KMT2A: variants seen among roughly 807,000 people sequenced by gnomAD.
The protein encoded by KMT2A is lysine methyltransferase 2A, also known as histone-lysine N-methyltransferase 2A.
KMT2A carries 16 observed loss-of-function variants against 345.3 expected under a neutral mutation model. That is an observed-to-expected ratio of 0.05 (90% CI 0.03 to 0.07). The LOEUF (loss-of-function observed/expected upper bound fraction) is 0.07, where lower values mean the gene tolerates loss of function less well. Among genes scored for constraint, KMT2A ranks in the 10% least tolerant of loss-of-function variants. The pLI, the probability that KMT2A is intolerant of heterozygous loss-of-function variation, is 1.00. For missense variants in KMT2A, 3,272 were observed against 4,841.6 expected (o/e 0.68, Z 9.62); for synonymous variants, 1,599 against 1,778.6 (o/e 0.90, Z 2.54).
chr11:118,498,666 G>A lies in KMT2A; in HGVS notation c.5961+138G>A. ...CCCACATATGCACAGCCTCCCCCAT[G>A]ATCAGCATCCCCCACCAGAGTGGTG... On this transcript the variant is annotated intron_variant, in intron 22 of 35. Coordinates refer to ENST00000534358, the MANE Select transcript of KMT2A (RefSeq NM_001197104.2). The surrounding 1 kb of genome is among the most constrained non-coding windows in gnomAD (Gnocchi z 4.4). The A allele has an allele frequency of 1.3e-6, 1 of 786,788 alleles. No individual in the cohort carries two copies. The highest frequency in any genetic ancestry group is 2.0e-6 in the Non-Finnish European group (1 of 509,630). The allele number at this position is 786,788 out of a possible 1,614,324, so 48.7% of individuals were successfully genotyped here.
chr11:118,518,755 C>G (rs1177244427), intron 31 of KMT2A, among the ~76,000 whole-genome samples: 1 of 131,746 alleles, frequency 7.6e-6, no homozygotes, highest in Non-Finnish European at 1.6e-5. Flanking sequence ...GCACTCCAGC[C>G]TGGGTGACGG....
intron 31 of KMT2A, chr11:118,512,429 C>G (rs554118330): frequency 5.4e-6 from 1 of 183,842 alleles, no homozygotes; most frequent in South Asian, 1.4e-4. Context: ...AGAATACTTT[C>G]CAGGTTCTTC....
Position 118,495,140 on chromosome 11 carries a change from T to A in KMT2A, c.5363+373T>A, listed in dbSNP as rs1261581381. Among the ~76,000 whole-genome samples the A allele has an allele frequency of 6.6e-6, 1 of 151,988 alleles. No homozygotes were observed. Among genetic ancestry groups the A allele is most frequent in the Non-Finnish European group, 1.5e-5 (1 of 68,002 alleles). ...TAATTTTTATTCCAGTAAATTCTTTTGATTTGATTTTATTTATTTATTTAT... is the reference window on the plus strand; with the variant it reads ...TAATTTTTATTCCAGTAAATTCTTTAGATTTGATTTTATTTATTTATTTAT... On this transcript the variant is annotated intron_variant, in intron 18 of 35. Coordinates refer to ENST00000534358, the MANE Select transcript of KMT2A (RefSeq NM_001197104.2). This position sits in a 1 kb window ranked among gnomAD's most constrained non-coding sequence, Gnocchi z 4.1.
chr11:118,488,227 A>C (rs797039788), intron 10 of KMT2A, among the ~76,000 whole-genome samples: 5 of 152,268 alleles, frequency 3.3e-5, no homozygotes, highest in African/African-American at 1.2e-4. Flanking sequence ...TAAAATTACA[A>C]ATGGAAAGGA....
rs528822610 is a variant in KMT2A at position 118,526,156 on chromosome 11, C to T, written c.*3984C>T. On this transcript the variant is annotated 3_prime_UTR_variant, in exon 36 of 36. Transcript: ENST00000534358. The stretch of plus-strand genomic sequence containing the variant: ...TTCCCGAAATGGGGGGAACCTCTAA[C>T]CATAAAGGAATGGTAGAACAGTCCA... 7 of 216,630 alleles carry T rather than the reference C, an allele frequency of 3.2e-5. No homozygotes were observed. The South Asian group carries it at 1.1e-3, about 35-fold the overall frequency. 13.4% of individuals were successfully genotyped at this position (216,630 alleles called of 1,614,324 possible).
intron 6 of KMT2A, 119 bp downstream of exon 6, chr11:118,480,357 G>C: frequency 1.5e-6 from 1 of 678,022 alleles, no homozygotes. Context: ...TCAGGGAGTA[G>C]ATTGTTGAAG....
intron 28 of KMT2A, 76 bp downstream of exon 28, chr11:118,507,685 C>A: frequency 8.0e-7 from 1 of 1,252,290 alleles, no homozygotes; most frequent in Non-Finnish European, 1.2e-6. Flanking sequence ...TTCTTCCAGG[C>A]CGGGCGCAGT....
rs892316302 is a variant in KMT2A at position 118,496,649 on chromosome 11, G to T, written c.5664+282G>T. On this transcript the variant is annotated intron_variant, in intron 20 of 35. Coordinates refer to ENST00000534358, the MANE Select transcript of KMT2A (RefSeq NM_001197104.2). The surrounding 1 kb of genome is among the most constrained non-coding windows in gnomAD (Gnocchi z 4.7). ...CCCTTGATGTCTAGTAATTTCTAAT[G>T]GAAGTTCCTCAAGAATATTTTGTGA... 1.3e-4 allele frequency among the ~76,000 whole-genome samples: 20 copies of T among 152,128 alleles called. No individual in the cohort carries two copies. Among genetic ancestry groups the T allele is most frequent in the African/African-American group, 4.6e-4 (19 of 41,424 alleles).
intron 1 of KMT2A, among the ~76,000 whole-genome samples, chr11:118,455,356 T>C (rs1949622134): frequency 6.6e-6 from 1 of 152,190 alleles, no homozygotes; most frequent in Admixed American, 6.5e-5. Flanking sequence ...GACAGTCATA[T>C]TTGAATTATG....
intron 1 of KMT2A, among the ~76,000 whole-genome samples, chr11:118,443,244 T>TA (rs1333653691): frequency 6.6e-6 from 1 of 152,164 alleles, no homozygotes; most frequent in African/African-American, 2.4e-5. Flanking sequence ...TGCCCCTCAA[T>TA]AAAGTCTCTG....
chr11:118,489,863 A>G lies in KMT2A; in HGVS notation c.4551A>G (p.Lys1517=). The G allele has an allele frequency of 6.2e-7, 1 of 1,614,148 alleles. No individual in the cohort carries two copies. The highest frequency in any genetic ancestry group is 1.1e-5 in the South Asian group (1 of 91,086). ...PECLGPNYPT[K]PTKKKKVWIC... ...GCCTGGGACCAAACTACCCCACCAA[A>G]CCCACAAAGAAGAAGAAAGTCTGGG... is the stretch of plus-strand genomic sequence containing the variant. Residue 1517 remains lysine (K), a synonymous_variant, in exon 12 of 36, where the codon AAA becomes AAG. Coordinates refer to ENST00000534358, the MANE Select transcript of KMT2A (RefSeq NM_001197104.2).
At chr11:118,492,337 C>G (rs974141151) in intron 15 of KMT2A, among the ~76,000 whole-genome samples, 20 of 152,206 alleles carry the variant, frequency 1.3e-4, no homozygotes, top group African/African-American at 4.8e-4. Context: ...AAAACACTTT[C>G]TGTTTATGTA....
chr11:118,507,648 GT>G, intron 28 of KMT2A, 39 bp downstream of exon 28: 1 of 1,527,774 alleles, frequency 6.5e-7, no homozygotes, highest in African/African-American at 1.4e-5. Context: ...TAAGCTCTCA[GT>G]TTTGTCCACC....
rs200633378 is a variant in KMT2A at position 118,502,830 on chromosome 11, T to C, written c.6938T>C (p.Val2313Ala). 6.2e-7 allele frequency: 1 copy of C among 1,614,170 alleles called. No individual in the cohort carries two copies. Among genetic ancestry groups the C allele is most frequent in the Non-Finnish European group, 8.5e-7 (1 of 1,180,010 alleles). Reference sequence around the variant, plus strand: ...TCTTTAAAGGGAGAGAAGACCAAAGTGCTGAGTTCCAAGAGCTCAGAGGGA... The same window carrying C: ...TCTTTAAAGGGAGAGAAGACCAAAGCGCTGAGTTCCAAGAGCTCAGAGGGA... Reference protein sequence around the residue: ...SSSLKGEKTKVLSSKSSEGSA... With the variant: ...SSSLKGEKTKALSSKSSEGSA... Residue 2313 changes from valine (V) to alanine (A), a missense_variant, in exon 27 of 36, where the codon GTG (valine) becomes GCG (alanine). Physicochemically the swap from Val to Ala is moderately conservative, Grantham distance 64 (BLOSUM62 0). This residue lies in a region of KMT2A where 445 missense variants were observed against 500.9 expected (regional missense o/e 0.89). Coordinates refer to ENST00000534358, the MANE Select transcript of KMT2A (RefSeq NM_001197104.2). This position sits in a 1 kb window ranked among gnomAD's most constrained non-coding sequence, Gnocchi z 4.9.
At chr11:118,444,088 G>A (rs2134176985) in intron 1 of KMT2A, among the ~76,000 whole-genome samples, 1 of 152,314 alleles carries the variant, frequency 6.6e-6, no homozygotes, top group South Asian at 2.1e-4. Flanking sequence ...TTAGGAGAGT[G>A]ATATTACTTG....
rs1950661963 is a variant in KMT2A, at chr11:118,510,358, G to C, written c.11071+240G>C. 6.6e-6 allele frequency among the ~76,000 whole-genome samples: 1 copy of C among 152,156 alleles called. No homozygotes were observed. The highest frequency in any genetic ancestry group is 6.5e-5 in the Admixed American group (1 of 15,284). The stretch of plus-strand genomic sequence containing the variant: ...TCAACATTGCACACACCTTAGCGGA[G>C]CCCCTGAGAACTCTGCTTCCCCCTC... On this transcript the variant is annotated intron_variant, in intron 30 of 35. Coordinates refer to ENST00000534358, the MANE Select transcript of KMT2A (RefSeq NM_001197104.2). This position sits in a 1 kb window ranked among gnomAD's most constrained non-coding sequence, Gnocchi z 4.1.
At chr11:118,469,637 G>A (rs1461902616) in intron 2 of KMT2A, among the ~76,000 whole-genome samples, 5 of 152,122 alleles carry the variant, frequency 3.3e-5, no homozygotes, top group Non-Finnish European at 5.9e-5. Context: ...TGTATCTTTT[G>A]ATGAAAATGC....
chr11:118,472,595 C>G lies in KMT2A; in HGVS notation c.1436C>G (p.Ser479Cys). The G allele has an allele frequency of 6.2e-7, 1 of 1,611,836 alleles. No individual in the cohort carries two copies. The highest frequency in any genetic ancestry group is 1.1e-5 in the South Asian group (1 of 90,918). ...CAAATGTCTTCAGACTCCTCTCGATCTAGTAGCCCCAGTGTTGATACCTCC... is the reference window on the plus strand; with the variant it reads ...CAAATGTCTTCAGACTCCTCTCGATGTAGTAGCCCCAGTGTTGATACCTCC... ...SSQMSSDSSR[S>C]SSPSVDTSTD... The change falls in exon 3 of 36, where the codon TCT (serine) becomes TGT (cysteine). Residue 479 changes from serine (S) to cysteine (C), a missense_variant. Coordinates refer to ENST00000534358, the MANE Select transcript of KMT2A (RefSeq NM_001197104.2).
rs375934901 is a variant in KMT2A at position 118,474,100 on chromosome 11, C to G, written c.2941C>G (p.Pro981Ala). Reference sequence around the variant, plus strand: ...CAACTTGGACCTCGGCCCAACTGCCCCATCCCTGGAGAAGGAGAAAACCCT... The same window carrying G: ...CAACTTGGACCTCGGCCCAACTGCCGCATCCCTGGAGAAGGAGAAAACCCT... ...KTNLDLGPTAPSLEKEKTLCL... is the reference protein window; with the variant it reads ...KTNLDLGPTAASLEKEKTLCL... Residue 981 changes from proline (P) to alanine (A), a missense_variant, in exon 3 of 36, where the codon CCA becomes GCA. Around this residue, in one of 27 missense-constraint regions of KMT2A, gnomAD observed 39 missense variants for 88.9 expected, o/e 0.44. Coordinates refer to ENST00000534358, the MANE Select transcript of KMT2A (RefSeq NM_001197104.2). 2.5e-6 allele frequency: 4 copies of G among 1,614,138 alleles called. No individual in the cohort carries two copies. The highest frequency in any genetic ancestry group is 1.3e-5 in the African/African-American group (1 of 75,028).
Sources: gnomAD v4.1 joint callset for allele counts (sites outside exome capture counted in the v4.1 genomes callset) on GRCh38, gnomAD v4.1.1 for gene constraint, gnomAD v4.1.1 regional missense constraint, Gnocchi (gnomAD v3.1) non-coding constraint, MANE v1.5 for transcripts, NCBI Gene and HGNC (gene_info 2026-07-23, HGNC 2026-07-21) for gene names.